Variants in PTPRT observed in about 807,000 individuals in gnomAD.
The protein encoded by PTPRT is receptor-type tyrosine-protein phosphatase T.
PTPRT carries 56 observed loss-of-function variants against 176.8 expected under a neutral mutation model. The observed-to-expected ratio is 0.32, with a 90% CI of 0.26 to 0.40. The LOEUF is 0.40. Ranked by LOEUF, PTPRT falls within the 10% of genes least tolerant of loss-of-function variation. PTPRT has a pLI of 1.00. For missense variants in PTPRT, 1,540 were observed against 1,908.2 expected (o/e 0.81, Z 3.60); for synonymous variants, 783 against 739.0 (o/e 1.06, Z -0.96).
chr20:43,042,228 C>T (rs1986635434), intron 1 of PTPRT, among the ~76,000 whole-genome samples: 1 of 152,210 alleles, frequency 6.6e-6, no homozygotes, highest in Non-Finnish European at 1.5e-5. Flanking sequence ...AGCTCCAGCA[C>T]ATAGTAGGTA....
intron 1 of PTPRT, among the ~76,000 whole-genome samples, chr20:42,922,331 T>G (rs1291854059): frequency 6.6e-6 from 1 of 152,164 alleles, no homozygotes; most frequent in Non-Finnish European, 1.5e-5. Flanking sequence ...ATTTCTTCTC[T>G]TCTAAGTCCC....
At chr20:42,756,729 C>T in intron 5 of PTPRT, 93 bp from the exon 6 acceptor site, 3 of 1,151,362 alleles carry the variant, frequency 2.6e-6, no homozygotes, top group Non-Finnish European at 2.4e-6. Context: ...TCCTCACACC[C>T]CTGGGGCTCA....
intron 7 of PTPRT, among the ~76,000 whole-genome samples, chr20:42,512,714 T>C (rs1161065289): frequency 1.3e-5 from 2 of 152,222 alleles, no homozygotes; most frequent in African/African-American, 4.8e-5. Flanking sequence ...TCAAGCTGAC[T>C]GCATACACTG....
intron 7 of PTPRT, among the ~76,000 whole-genome samples, chr20:42,601,202 A>G (rs1011298998): frequency 1.3e-5 from 2 of 152,144 alleles, no homozygotes; most frequent in African/African-American, 4.8e-5. Flanking sequence ...ACAGTGCAAA[A>G]GACCCCCTTT....
chr20:42,255,333 A>G lies in PTPRT; in HGVS notation c.2177-6511T>C, dbSNP rs577728072. On this transcript the variant is annotated intron_variant, in intron 13 of 30. Coordinates refer to ENST00000373187, the MANE Select transcript of PTPRT (RefSeq NM_007050.6). ...TTCACACTGGGATTTTCTAAGAATC[A>G]AATGTAATAATGGAGGGAAAAATGC... Among the ~76,000 whole-genome samples, 3 of 152,346 alleles carry G rather than the reference A, an allele frequency of 2.0e-5. No individual in the cohort carries two copies. In the South Asian group the frequency reaches 6.2e-4, roughly 32 times the overall value.
At chr20:42,091,625 G>GT (rs1326096440) in intron 27 of PTPRT, among the ~76,000 whole-genome samples, 1 of 152,214 alleles carries the variant, frequency 6.6e-6, no homozygotes, top group African/African-American at 2.4e-5. Flanking sequence ...AGAGAGAAAT[G>GT]TAAGTTTCCT....
At chr20:42,929,168 A>G (rs905013700) in intron 1 of PTPRT, among the ~76,000 whole-genome samples, 8 of 152,250 alleles carry the variant, frequency 5.3e-5, no homozygotes, top group African/African-American at 1.4e-4. Context: ...TCCTAGGGAG[A>G]TATTTTGTGC....
At chr20:42,524,251 T>G (rs190720197) in intron 7 of PTPRT, among the ~76,000 whole-genome samples, 26 of 152,314 alleles carry the variant, frequency 1.7e-4, no homozygotes, top group African/African-American at 6.0e-4. Context: ...ACCACTGATT[T>G]TTGCATAGTA....
At chr20:42,776,839 T>A (rs1201442038) in intron 4 of PTPRT, among the ~76,000 whole-genome samples, 1 of 148,784 alleles carries the variant, frequency 6.7e-6, no homozygotes, top group Non-Finnish European at 1.5e-5. Flanking sequence ...TAATATATAC[T>A]TCTATATAAT....
chr20:42,952,877 A>G (rs1981340850), intron 1 of PTPRT, among the ~76,000 whole-genome samples: 1 of 152,190 alleles, frequency 6.6e-6, no homozygotes, highest in Admixed American at 6.5e-5. Context: ...GTACAATAGC[A>G]CTAACAGCAG....
intron 29 of PTPRT, among the ~76,000 whole-genome samples, chr20:42,082,772 G>T (rs1219389323): frequency 6.6e-6 from 1 of 152,190 alleles, no homozygotes; most frequent in African/African-American, 2.4e-5. Context: ...TTTACAGACA[G>T]TCCCTGTAGG....
chr20:43,119,514 C>T (rs911131553), intron 1 of PTPRT, among the ~76,000 whole-genome samples: 2 of 152,244 alleles, frequency 1.3e-5, no homozygotes, highest in Non-Finnish European at 2.9e-5. Context: ...ATGCATAATC[C>T]TTCACATGCA....
intron 7 of PTPRT, among the ~76,000 whole-genome samples, chr20:42,615,217 G>A (rs899379510): frequency 7.4e-6 from 1 of 134,314 alleles, no homozygotes; most frequent in African/African-American, 3.3e-5. Flanking sequence ...ATAGTTTACT[G>A]AGAATGATGA....
At chr20:42,848,511 A>G (rs2078414932) in intron 2 of PTPRT, among the ~76,000 whole-genome samples, 1 of 152,194 alleles carries the variant, frequency 6.6e-6, no homozygotes, top group Non-Finnish European at 1.5e-5. Flanking sequence ...GATTATGGCC[A>G]TTCTTGCAGG....
intron 24 of PTPRT, among the ~76,000 whole-genome samples, chr20:42,105,088 T>C (rs1986309712): frequency 6.6e-6 from 1 of 152,198 alleles, no homozygotes; most frequent in Non-Finnish European, 1.5e-5. Context: ...GAGGGGATAC[T>C]TGGGCTGTGT....
chr20:42,160,458 G>A (rs892467724), intron 17 of PTPRT, among the ~76,000 whole-genome samples: 1 of 144,884 alleles, frequency 6.9e-6, no homozygotes. Flanking sequence ...CAAAAAGAGT[G>A]AGATAAAGAA....
At chr20:42,768,287 G>A (rs2077013783) in intron 5 of PTPRT, among the ~76,000 whole-genome samples, 1 of 152,076 alleles carries the variant, frequency 6.6e-6, no homozygotes, top group South Asian at 2.1e-4. Context: ...AGGGGACTCT[G>A]CCATAGCCTC....
chr20:42,692,129 C>T (rs910353447), intron 6 of PTPRT, among the ~76,000 whole-genome samples: 3 of 152,126 alleles, frequency 2.0e-5, no homozygotes, highest in African/African-American at 7.2e-5. Context: ...CAAAAGGTTT[C>T]AATGAAATAT....
intron 6 of PTPRT, among the ~76,000 whole-genome samples, chr20:42,707,062 AG>A (rs2076071039): frequency 6.6e-6 from 1 of 152,226 alleles, no homozygotes; most frequent in Non-Finnish European, 1.5e-5. Context: ...GGAAGAGGCA[AG>A]GAAGAATTAC....
Sources: gnomAD v4.1 joint callset for allele counts (sites outside exome capture counted in the v4.1 genomes callset) on GRCh38, gnomAD v4.1.1 for gene constraint, MANE v1.5 for transcripts, NCBI Gene and HGNC (gene_info 2026-07-23, HGNC 2026-07-21) for gene names.